Variants in ANKRD46 observed in about 807,000 individuals in gnomAD.
ANKRD46 encodes the protein ankyrin repeat domain 46.
A neutral mutation model predicts 19.8 loss-of-function variants in ANKRD46; 13 were observed. That is an observed-to-expected ratio of 0.66 (90% CI 0.43 to 1.04). The LOEUF (loss-of-function observed/expected upper bound fraction) is 1.04. ANKRD46 is among the 50% of genes least tolerant of loss of function. The pLI is 0.00. For missense variants in ANKRD46, 185 were observed against 274.8 expected (o/e 0.67, Z 2.31); for synonymous variants, 91 against 106.9 (o/e 0.85, Z 0.92).
chr8:100,523,117 C>T (rs138347672), intron 4 of ANKRD46, among the ~76,000 whole-genome samples: 82 of 151,668 alleles, frequency 5.4e-4, no homozygotes, highest in African/African-American at 1.9e-3. Context: ...CACTTGAGCC[C>T]AGGAGTTCGG....
Position 100,522,162 on chromosome 8 carries a change from A to C in ANKRD46, c.*393T>G. On this transcript the variant is annotated 3_prime_UTR_variant, in exon 5 of 5. Transcript: ENST00000335659. ...AATAAATGAAAACAAAACCACCAAC[A>C]AAAACTAATCATATAAGATACTGTT... 5 of 993,000 alleles carry C rather than the reference A, an allele frequency of 5.0e-6. No individual in the cohort carries two copies. Among genetic ancestry groups the C allele is most frequent in the Non-Finnish European group, 6.0e-6 (5 of 834,536 alleles). 61.5% of individuals were successfully genotyped at this position (993,000 alleles called of 1,614,324 possible). A position where few individuals can be genotyped will look rare whatever the true frequency, so the allele number is the denominator to read the frequency against.
Position 100,527,926 on chromosome 8 carries a change from G to C in ANKRD46, c.389C>G (p.Ser130Cys), listed in dbSNP as rs753010693. 1 of 1,606,524 alleles carries C rather than the reference G, an allele frequency of 6.2e-7. No homozygotes were observed. Among genetic ancestry groups the C allele is most frequent in the East Asian group, 2.2e-5 (1 of 44,478 alleles). ...TCCTTTCACCTCCTGTTCTTCCAAA[G>C]ATTCCAGCAATCGGATGACATCTTT... ...VNKDVIRLLE[S>C]LEEQEVKGFN... The change falls in exon 4 of 5, where the codon TCT becomes TGT. Residue 130 changes from serine (S) to cysteine (C), a missense_variant. Physicochemically the swap from Ser to Cys is moderately radical, Grantham distance 112. Transcript: ENST00000335659. The surrounding 1 kb of genome is among the most constrained non-coding windows in gnomAD (Gnocchi z 4.0).
intron 1 of ANKRD46, among the ~76,000 whole-genome samples, chr8:100,533,967 C>T (rs1418617598): frequency 1.3e-5 from 2 of 152,212 alleles, no homozygotes; most frequent in African/African-American, 4.8e-5. Flanking sequence ...TACGAGGGCA[C>T]CCTGTCTGCC....
At chr8:100,512,869 C>T (rs1269308549) in intron 5 of ANKRD46, among the ~76,000 whole-genome samples, 1 of 152,116 alleles carries the variant, frequency 6.6e-6, no homozygotes, top group African/African-American at 2.4e-5. Flanking sequence ...TATACACTTC[C>T]CTGTTCAATG....
rs1291586149 is a variant in ANKRD46, at chr8:100,529,856, C to T, written c.-23G>A. 1 of 1,604,226 alleles carries T rather than the reference C, an allele frequency of 6.2e-7. No homozygotes were observed. The highest frequency in any genetic ancestry group is 1.7e-5 in the Admixed American group (1 of 59,594). On this transcript the variant is annotated 5_prime_UTR_variant, in exon 3 of 5. Transcript: ENST00000335659. This position sits in a 1 kb window ranked among gnomAD's most constrained non-coding sequence, Gnocchi z 5.8. ...CATTGTTCTGATGTGGTGGATGGAA[C>T]ACGCCTGTAATGAAATAGGTGAGTG...
downstream of ANKRD46, among the ~76,000 whole-genome samples, chr8:100,520,344 G>T (rs1044446144): frequency 6.6e-6 from 1 of 152,148 alleles, no homozygotes; most frequent in African/African-American, 2.4e-5. Flanking sequence ...GAAAGACAGC[G>T]GGACAGGAGG....
chr8:100,551,659 G>A, intron 1 of ANKRD46: 1 of 680,836 alleles, frequency 1.5e-6, no homozygotes, highest in South Asian at 1.4e-5. Flanking sequence ...CAGCCCTGGT[G>A]ACCAGGTGCC....
intron 5 of ANKRD46, among the ~76,000 whole-genome samples, chr8:100,515,699 A>T (rs1811619759): frequency 6.6e-6 from 1 of 151,630 alleles, no homozygotes; most frequent in Non-Finnish European, 1.5e-5. Flanking sequence ...AGGGAGGGGC[A>T]GTATGGAAGA....
At position 100,532,685 on chromosome 8, in the gene ANKRD46, T is replaced by TA. The variant is rs1310176504; in HGVS notation, c.-28+523dup. On this transcript the variant is annotated intron_variant, in intron 2 of 4. Coordinates refer to ENST00000335659, the MANE Select transcript of ANKRD46 (RefSeq NM_001270377.2). This position sits in a 1 kb window ranked among gnomAD's most constrained non-coding sequence, Gnocchi z 4.7. The stretch of plus-strand genomic sequence containing the variant: ...ATACATAATGATAGCTGATAAGCTT[T>TA]AAAAAATTGCAAAAAAAATCTCAGA... Among the ~76,000 whole-genome samples, 1 of 152,210 alleles carries TA rather than the reference T, an allele frequency of 6.6e-6. No individual in the cohort carries two copies. Among genetic ancestry groups the TA allele is most frequent in the African/African-American group, 2.4e-5 (1 of 41,446 alleles).
chr8:100,552,348 T>TA (rs2046933400), intron 1 of ANKRD46, among the ~76,000 whole-genome samples: 1 of 151,842 alleles, frequency 6.6e-6, no homozygotes, highest in Admixed American at 6.6e-5. Context: ...TAGAGATGGT[T>TA]ATCCTATTTA....
At chr8:100,540,109 T>C (rs1040000738) in intron 1 of ANKRD46, among the ~76,000 whole-genome samples, 3 of 151,972 alleles carry the variant, frequency 2.0e-5, no homozygotes, top group African/African-American at 7.3e-5. Context: ...GGCACAGTTC[T>C]AAGTGTTTTT....
chr8:100,514,142 G>C (rs1811591163), intron 5 of ANKRD46, among the ~76,000 whole-genome samples: 1 of 152,174 alleles, frequency 6.6e-6, no homozygotes, highest in African/African-American at 2.4e-5. Context: ...ATATGCAAGA[G>C]AATTAGGCTA....
intron 1 of ANKRD46, among the ~76,000 whole-genome samples, chr8:100,533,539 A>G (rs954906939): frequency 6.6e-6 from 1 of 152,244 alleles, no homozygotes; most frequent in African/African-American, 2.4e-5. Context: ...ACAAGAAAGC[A>G]AGACAGAAAG....
rs2130637860 is a variant in ANKRD46 at position 100,520,845 on chromosome 8, C to T, written c.*1710G>A. 1.0e-6 allele frequency: 1 copy of T among 983,542 alleles called. No homozygotes were observed. Among genetic ancestry groups the T allele is most frequent in the East Asian group, 1.1e-4 (1 of 8,786 alleles). The allele number at this position is 983,542 out of a possible 1,614,324, so 60.9% of individuals were successfully genotyped here. A position where few individuals can be genotyped will look rare whatever the true frequency, so the allele number is the denominator to read the frequency against. ...TGCAGAGAACAGAATACAAAGAAAT[C>T]AGCACATAAAAGGAACCATTAATCT... On this transcript the variant is annotated 3_prime_UTR_variant, in exon 5 of 5. Transcript: ENST00000335659.
Position 100,536,005 on chromosome 8 carries a change from A to G in ANKRD46, c.-130-2694T>C, listed in dbSNP as rs1041238962. Among the ~76,000 whole-genome samples, 1 of 151,932 alleles carries G rather than the reference A, an allele frequency of 6.6e-6. No homozygotes were observed. Among genetic ancestry groups the G allele is most frequent in the East Asian group, 1.9e-4 (1 of 5,184 alleles). On this transcript the variant is annotated intron_variant, in intron 1 of 4. Transcript: ENST00000335659. This position sits in a 1 kb window ranked among gnomAD's most constrained non-coding sequence, Gnocchi z 4.9. ...ATTTCCCCCATTCAAGAAGAATGTA[A>G]GGTCATCTTTGGAGTCATGTGTCTC... is the stretch of plus-strand genomic sequence containing the variant.
intron 1 of ANKRD46, among the ~76,000 whole-genome samples, chr8:100,552,459 T>C (rs968169881): frequency 6.6e-6 from 1 of 152,134 alleles, no homozygotes; most frequent in African/African-American, 2.4e-5. Context: ...AAATCAACTA[T>C]GTGTTTTTAA....
Position 100,550,902 on chromosome 8 carries a change from A to C in ANKRD46, c.-131+8809T>G. On this transcript the variant is annotated intron_variant, in intron 1 of 4. Transcript: ENST00000335659. The surrounding 1 kb of genome is among the most constrained non-coding windows in gnomAD (Gnocchi z 4.4). The stretch of plus-strand genomic sequence containing the variant: ...AACAACCTGGTGTTCAGTGTAGCCC[A>C]AGATGCCCTTGAGGGGCCCTCTGAC... The C allele has an allele frequency of 3.5e-6, 2 of 577,168 alleles. No individual in the cohort carries two copies. The highest frequency in any genetic ancestry group is 6.5e-6 in the Non-Finnish European group (2 of 307,892). 35.8% of individuals were successfully genotyped at this position (577,168 alleles called of 1,614,324 possible).
Position 100,559,498 on chromosome 8 carries a change from T to C in ANKRD46, c.-131+213A>G, listed in dbSNP as rs1270983219. 1 of 152,286 alleles carries C rather than the reference T, an allele frequency of 6.6e-6. No homozygotes were observed. Among genetic ancestry groups the C allele is most frequent in the Non-Finnish European group, 1.5e-5 (1 of 68,146 alleles). The allele number at this position is 152,286 out of a possible 1,614,324, so 9.4% of individuals were successfully genotyped here. ...CTCGCAGGCCTCTGCCCGGCCCTCG[T>C]GAACACACAGACCGCGAAGAAGCCA... is the stretch of plus-strand genomic sequence containing the variant. On this transcript the variant is annotated intron_variant, in intron 1 of 4. Coordinates refer to ENST00000335659, the MANE Select transcript of ANKRD46 (RefSeq NM_001270377.2). The surrounding 1 kb of genome is among the most constrained non-coding windows in gnomAD (Gnocchi z 6.0).
chr8:100,530,342 G>C (rs903150932), intron 2 of ANKRD46, among the ~76,000 whole-genome samples: 1 of 152,112 alleles, frequency 6.6e-6, no homozygotes, highest in South Asian at 2.1e-4. Flanking sequence ...TGCATGAAAA[G>C]AACTTATACT....
Sources: gnomAD v4.1 joint callset for allele counts (sites outside exome capture counted in the v4.1 genomes callset) on GRCh38, gnomAD v4.1.1 for gene constraint, Gnocchi (gnomAD v3.1) non-coding constraint, MANE v1.5 for transcripts, NCBI Gene and HGNC (gene_info 2026-07-23, HGNC 2026-07-21) for gene names.